Variants in STARD9 observed in about 807,000 individuals in gnomAD.
STARD9 encodes StAR related lipid transfer domain containing 9, also known as stAR-related lipid transfer protein 9.
In STARD9, 346 loss-of-function variants were observed where a neutral mutation model predicts 399.8. The ratio of observed to expected loss-of-function variants is 0.87; its 90% CI spans 0.79 to 0.95. The LOEUF is 0.95. Ranked by LOEUF, STARD9 falls within the 40% of genes least tolerant of loss-of-function variation. The probability of loss-of-function intolerance (pLI) is 0.00; values close to 1 mark genes in which losing one functional copy is unlikely to be tolerated. For missense variants in STARD9, 5,832 were observed against 5,667.5 expected (o/e 1.03, Z -0.93); for synonymous variants, 2,203 against 2,143.5 (o/e 1.03, Z -0.77).
rs34768575 is a variant in STARD9, at chr15:42,710,890, G to GCT, written c.13285-5764_13285-5763dup. The stretch of plus-strand genomic sequence containing the variant: ...ATGACATTCTTGCTCTCACTTGTGC[G>GCT]CTCTCTCTCTCTCTCTCTCTCTCTG... On this transcript the variant is annotated intron_variant, in intron 26 of 32. Coordinates refer to ENST00000290607, the MANE Select transcript of STARD9 (RefSeq NM_020759.3). Among the ~76,000 whole-genome samples, 471 of 133,706 alleles carry GCT rather than the reference G, an allele frequency of 3.5e-3. 1 individual carries two copies. The highest frequency in any genetic ancestry group is 6.7e-3 in the East Asian group (33 of 4,928). The allele number at this position is 133,706 out of a possible 152,430, so 87.7% of individuals were successfully genotyped here.
chr15:42,652,540 T>C lies in STARD9; in HGVS notation c.650T>C (p.Val217Ala). The C allele has an allele frequency of 6.5e-7, 1 of 1,537,548 alleles. No homozygotes were observed. Among genetic ancestry groups the C allele is most frequent in the South Asian group, 1.2e-5 (1 of 84,064 alleles). ...CACAGAATCACAGCAGCCACCCATG[T>C]TCATGAGGCCAGCAGCAGATCCCAC... ...IANRITAATH[V>A]HEASSRSHAI... Residue 217 changes from valine (V) to alanine (A), a missense_variant, in exon 9 of 33, where the codon GTT becomes GCT. Transcript: ENST00000290607.
At position 42,686,593 on chromosome 15, in the gene STARD9, G is replaced by A; in HGVS notation, c.5015G>A (p.Trp1672Ter). ...ATKADHWSQG[W>*]APLRKNSAVQ... ...AAAGCAGACCATTGGTCCCAAGGCTGGGCTCCTCTCAGGAAAAATAGTGCA... is the reference window on the plus strand; with the variant it reads ...AAAGCAGACCATTGGTCCCAAGGCTAGGCTCCTCTCAGGAAAAATAGTGCA... The change falls in exon 23 of 33, where the codon TGG becomes TAG. Residue 1672 changes from tryptophan to a stop codon, truncating the protein, a stop_gained. Coordinates refer to ENST00000290607, the MANE Select transcript of STARD9 (RefSeq NM_020759.3). LOFTEE classifies it high-confidence loss of function. 6.5e-7 allele frequency: 1 copy of A among 1,537,404 alleles called. No homozygotes were observed. The highest frequency in any genetic ancestry group is 8.7e-7 in the Non-Finnish European group (1 of 1,146,992).
At chr15:42,633,056 CGTTTGAGCCCAGGAGGTCAAGGCT>C (rs1362365664) in intron 3 of STARD9, among the ~76,000 whole-genome samples, 2 of 151,618 alleles carry the variant, frequency 1.3e-5, no homozygotes, top group Non-Finnish European at 2.9e-5. Context: ...GTAGGGAGAT[CGTTTGAGCCCAGGAGGTCAAGGCT>C]GTGGTAAGCC....
intron 1 of STARD9, among the ~76,000 whole-genome samples, chr15:42,579,957 T>C (rs1476842657): frequency 2.0e-5 from 3 of 152,182 alleles, no homozygotes; most frequent in African/African-American, 7.2e-5. Context: ...GGTGTGGACC[T>C]GCTCTAGGAG....
rs1595771577 is a variant in STARD9, at chr15:42,686,413, A to G, written c.4835A>G (p.Asn1612Ser). 2.0e-6 allele frequency: 3 copies of G among 1,537,756 alleles called. No individual in the cohort carries two copies. The highest frequency in any genetic ancestry group is 2.6e-6 in the Non-Finnish European group (3 of 1,147,036). ...AATGCACAGGTCTTTGCAACAGAGAACGCGATACCAGATTCCATGACAGAA... is the reference window on the plus strand; with the variant it reads ...AATGCACAGGTCTTTGCAACAGAGAGCGCGATACCAGATTCCATGACAGAA... ...STNAQVFATE[N>S]AIPDSMTEAC... is the part of the protein sequence containing the mutation. Residue 1612 changes from asparagine (N) to serine (S), a missense_variant, in exon 23 of 33, where the codon AAC becomes AGC. Asn to Ser is a conservative substitution (Grantham distance 46). This residue lies in a region of STARD9 where 5,828 missense variants were observed against 5,651.1 expected (regional missense o/e 1.03). Transcript: ENST00000290607.
intron 26 of STARD9, among the ~76,000 whole-genome samples, chr15:42,714,361 C>T (rs1422527462): frequency 6.6e-6 from 1 of 152,060 alleles, no homozygotes; most frequent in Non-Finnish European, 1.5e-5. Flanking sequence ...CCATCCCGCC[C>T]GGCCTGTACT....
At chr15:42,621,722 A>G (rs747218056) in intron 3 of STARD9, among the ~76,000 whole-genome samples, 1 of 152,234 alleles carries the variant, frequency 6.6e-6, no homozygotes, top group Non-Finnish European at 1.5e-5. Flanking sequence ...TATAATCACT[A>G]TGTATGGAGA....
chr15:42,718,963 G>GC, intron 32 of STARD9, 53 bp downstream of exon 32: 2 of 1,496,792 alleles, frequency 1.3e-6, no homozygotes, highest in South Asian at 1.2e-5. Context: ...TGGTCCCACA[G>GC]CCCCCTGGGA....
intron 3 of STARD9, among the ~76,000 whole-genome samples, chr15:42,601,421 C>G (rs2058623354): frequency 6.6e-6 from 1 of 152,026 alleles, no homozygotes; most frequent in Admixed American, 6.5e-5. Context: ...AGGGGCTCCT[C>G]ACTTCCCAGA....
chr15:42,666,170 G>T (rs1172183300), intron 15 of STARD9, among the ~76,000 whole-genome samples: 2 of 152,214 alleles, frequency 1.3e-5, no homozygotes, highest in African/African-American at 4.8e-5. Flanking sequence ...TAGGTGCTCA[G>T]CATGATGCTG....
chr15:42,578,229 G>A (rs1012301624), intron 1 of STARD9, among the ~76,000 whole-genome samples: 9 of 151,856 alleles, frequency 5.9e-5, no homozygotes, highest in Non-Finnish European at 7.4e-5. Context: ...TCCTGCCCCA[G>A]CCTCCTGAGT....
chr15:42,652,239 C>G (rs1034472294), intron 8 of STARD9, among the ~76,000 whole-genome samples: 1 of 151,470 alleles, frequency 6.6e-6, no homozygotes, highest in Non-Finnish European at 1.5e-5. Flanking sequence ...GTCTTCATTT[C>G]CCTTTTCACT....
chr15:42,577,930 T>C (rs1954488295), intron 1 of STARD9, among the ~76,000 whole-genome samples: 1 of 152,224 alleles, frequency 6.6e-6, no homozygotes, highest in Non-Finnish European at 1.5e-5. Flanking sequence ...ACAGATGATC[T>C]GGCCCAAGCT....
chr15:42,601,123 C>T (rs1363058258), intron 3 of STARD9, among the ~76,000 whole-genome samples: 1 of 152,054 alleles, frequency 6.6e-6, no homozygotes, highest in Non-Finnish European at 1.5e-5. Flanking sequence ...TCTTGCACTG[C>T]CCTTAATCCA....
chr15:42,665,936 C>T, intron 15 of STARD9, 88 bp downstream of exon 15: 1 of 1,091,800 alleles, frequency 9.2e-7, no homozygotes. Flanking sequence ...GCTCCCTTGG[C>T]AGGGCAGAGA....
chr15:42,637,978 T>A (rs2059449897), intron 5 of STARD9, 39 bp downstream of exon 5: 4 of 1,537,114 alleles, frequency 2.6e-6, no homozygotes, highest in Non-Finnish European at 2.6e-6. Context: ...TCAAAGTAGG[T>A]CTCTCTACAA....
At chr15:42,601,807 T>G (rs2058636930) in intron 3 of STARD9, among the ~76,000 whole-genome samples, 1 of 152,224 alleles carries the variant, frequency 6.6e-6, no homozygotes, top group Non-Finnish European at 1.5e-5. Flanking sequence ...GCAAAAAATT[T>G]ACATTTTGCT....
intron 16 of STARD9, 124 bp from the exon 17 acceptor site, chr15:42,674,316 A>G: frequency 3.9e-6 from 3 of 777,534 alleles, no homozygotes; most frequent in Admixed American, 4.4e-5. Context: ...CCAGGCTGGG[A>G]TGGGATGAGA....
chr15:42,618,485 T>C (rs2059017208), intron 3 of STARD9, among the ~76,000 whole-genome samples: 1 of 152,218 alleles, frequency 6.6e-6, no homozygotes, highest in African/African-American at 2.4e-5. Flanking sequence ...GGCTAGATAA[T>C]CATCCATTTC....
Sources: allele counts gnomAD v4.1 joint callset (sites outside exome capture counted in the v4.1 genomes callset), GRCh38; gene constraint gnomAD v4.1.1; regional missense constraint gnomAD v4.1.1; transcripts MANE v1.5; gene names NCBI Gene and HGNC (gene_info 2026-07-23, HGNC 2026-07-21).